The following MRPL21 variants were observed in gnomAD, a reference collection of about 807,000 sequenced individuals.
MRPL21 encodes large ribosomal subunit protein bL21m.
Under a neutral mutation model 27.3 loss-of-function variants are expected in MRPL21, and 20 were observed. The ratio of observed to expected loss-of-function variants is 0.73; its 90% CI spans 0.52 to 1.06. The LOEUF (loss-of-function observed/expected upper bound fraction) is 1.06. Among genes scored for constraint, MRPL21 ranks in the 50% least tolerant of loss-of-function variants. The pLI, the probability that MRPL21 is intolerant of heterozygous loss-of-function variation, is 0.00. For synonymous variants in MRPL21, 98 were observed against 101.5 expected, an observed-to-expected ratio of 0.97 and a Z score of 0.21; for missense variants, 249 against 251.4, an observed-to-expected ratio of 0.99 and a Z score of 0.06.
At chr11:68,892,684 G>T in intron 6 of MRPL21, 3 of 1,508,518 alleles carry the variant, frequency 2.0e-6, no homozygotes, top group Non-Finnish European at 2.6e-6. Flanking sequence ...GTGGGGTCAC[G>T]CGTGGAGCGT....
intron 6 of MRPL21, chr11:68,891,994 C>T: frequency 2.1e-6 from 2 of 970,508 alleles, no homozygotes; most frequent in Admixed American, 3.7e-5. Context: ...TGCGGATTCA[C>T]TGCTGCTTTG....
intron 2 of MRPL21, among the ~76,000 whole-genome samples, chr11:68,899,961 C>T (rs1160888389): frequency 2.6e-5 from 4 of 152,242 alleles, no homozygotes; most frequent in Non-Finnish European, 4.4e-5. Context: ...GCGTCCCAGG[C>T]TGTGAGGGGC....
rs114056086 is a variant in MRPL21, at chr11:68,892,042, G to A, written c.554-647C>T. 386 of 1,274,864 alleles carry A rather than the reference G, an allele frequency of 3.0e-4. 3 individuals carry two copies. In the African/African-American group the frequency reaches 5.4e-3, roughly 18 times the overall value. 79.0% of individuals were successfully genotyped at this position (1,274,864 alleles called of 1,614,324 possible). ...GGCGTCATGGGTTGGAACAAAGTGG[G>A]GTCATGCGTGGAGGGTGGAGGAGAA... On this transcript the variant is annotated intron_variant, in intron 6 of 6. Transcript: ENST00000362034.
intron 6 of MRPL21, chr11:68,892,049 C>A: frequency 7.8e-7 from 1 of 1,284,050 alleles, no homozygotes; most frequent in Admixed American, 3.6e-5. Flanking sequence ...TGGGGTCATG[C>A]GTGGAGGGTG....
At chr11:68,898,518 C>A (rs1857857339) in intron 2 of MRPL21, among the ~76,000 whole-genome samples, 1 of 152,230 alleles carries the variant, frequency 6.6e-6, no homozygotes, top group South Asian at 2.1e-4. Context: ...TAGGTAGGTG[C>A]CTGCTCTTCC....
Position 68,900,614 on chromosome 11 carries a change from A to G in MRPL21, c.89-9T>C. ...AGCAGACCAAAGGGAGGCTGAGGGA[A>G]GAAGAGAAACACAGATCATTACCAT... is the stretch of plus-strand genomic sequence containing the variant. On this transcript the variant is annotated splice_polypyrimidine_tract_variant and intron_variant, in intron 1 of 6. Transcript: ENST00000362034. 1 of 1,611,150 alleles carries G rather than the reference A, an allele frequency of 6.2e-7. No individual in the cohort carries two copies. Among genetic ancestry groups the G allele is most frequent in the South Asian group, 1.1e-5 (1 of 91,006 alleles).
chr11:68,893,680 T>G (rs553993415), intron 4 of MRPL21, among the ~76,000 whole-genome samples: 136 of 152,336 alleles, frequency 8.9e-4, no homozygotes, highest in Middle Eastern at 3.4e-3. Flanking sequence ...AGGGAAATGC[T>G]CCAACCCTCA....
intron 2 of MRPL21, 66 bp downstream of exon 2, chr11:68,900,482 G>T: frequency 7.0e-7 from 1 of 1,420,934 alleles, no homozygotes; most frequent in South Asian, 1.2e-5. Context: ...AGGAAGTTTT[G>T]ACTTTAGAAA....
At chr11:68,902,801 T>C (rs1178740715) in intron 1 of MRPL21, among the ~76,000 whole-genome samples, 1 of 152,164 alleles carries the variant, frequency 6.6e-6, no homozygotes, top group African/African-American at 2.4e-5. Context: ...TCCACCTATT[T>C]ATCCTTTTCT....
chr11:68,893,382 C>T (rs1857700693), intron 5 of MRPL21, 21 bp downstream of exon 5: 1 of 1,614,034 alleles, frequency 6.2e-7, no homozygotes, highest in African/African-American at 1.3e-5. Flanking sequence ...CAGACAAAGC[C>T]CAGCACTTCA....
At position 68,892,160 on chromosome 11, in the gene MRPL21, T is replaced by A. The variant is rs684710; in HGVS notation, c.553+730A>T. The A allele has an allele frequency of 2.4e-4, 157 of 656,868 alleles. 1 individual carries two copies. In the East Asian group the frequency reaches 0.028, roughly 115 times the overall value. The allele number at this position is 656,868 out of a possible 1,614,324, so 40.7% of individuals were successfully genotyped here. On this transcript the variant is annotated intron_variant, in intron 6 of 6. Coordinates refer to ENST00000362034, the MANE Select transcript of MRPL21 (RefSeq NM_181514.2). ...TGGAGGAGAAGGGGAGCGAGGTGGGTTCACGCGCGGAGGGTGGAGGAGAAG... is the reference window on the plus strand; with the variant it reads ...TGGAGGAGAAGGGGAGCGAGGTGGGATCACGCGCGGAGGGTGGAGGAGAAG...
chr11:68,902,562 C>A (rs758406770), intron 1 of MRPL21, among the ~76,000 whole-genome samples: 18 of 152,166 alleles, frequency 1.2e-4, no homozygotes, highest in Non-Finnish European at 2.4e-4. Flanking sequence ...TCCCATATGT[C>A]CCCTGTCCAT....
chr11:68,898,333 A>G (rs1176967855), intron 2 of MRPL21, among the ~76,000 whole-genome samples: 1 of 152,148 alleles, frequency 6.6e-6, no homozygotes, highest in Admixed American at 6.5e-5. Context: ...CTTGGGGCAC[A>G]TTTATCTTGG....
At chr11:68,900,631 C>A in intron 1 of MRPL21, 26 bp from the exon 2 acceptor site, 1 of 1,591,880 alleles carries the variant, frequency 6.3e-7, no homozygotes, top group Non-Finnish European at 8.6e-7. Context: ...AAACACAGAT[C>A]ATTACCATTA....
At chr11:68,894,092 C>A (rs1017250496) in intron 4 of MRPL21, among the ~76,000 whole-genome samples, 1 of 151,990 alleles carries the variant, frequency 6.6e-6, no homozygotes, top group Non-Finnish European at 1.5e-5. Context: ...AGAGAAAAAG[C>A]ACAAATCATA....
At position 68,893,432 on chromosome 11, in the gene MRPL21, G is replaced by A. The variant is rs755121519; in HGVS notation, c.420C>T (p.Asn140=). The change falls in exon 5 of 7, where the codon AAC becomes AAT. Residue 140 remains asparagine (N), a synonymous_variant. Coordinates refer to ENST00000362034, the MANE Select transcript of MRPL21 (RefSeq NM_181514.2). ...GGAGTGGCTTGCCAAGCAGCGTGAA[G>A]TTGTCTGCCCCAACCAGCAGGACCT... is the stretch of plus-strand genomic sequence containing the variant. ...LEKVLLVGAD[N]FTLLGKPLLG... The A allele has an allele frequency of 6.2e-7, 1 of 1,614,224 alleles. No individual in the cohort carries two copies. The highest frequency in any genetic ancestry group is 8.5e-7 in the Non-Finnish European group (1 of 1,180,048).
At chr11:68,898,140 G>A in intron 2 of MRPL21, 128 bp from the exon 3 acceptor site, 1 of 754,910 alleles carries the variant, frequency 1.3e-6, no homozygotes, top group Non-Finnish European at 2.3e-6. Flanking sequence ...CTTTCGGACA[G>A]GCCCCGCCCC....
At chr11:68,897,880 G>A (rs767703468) in intron 3 of MRPL21, 47 bp downstream of exon 3, 3 of 1,436,660 alleles carry the variant, frequency 2.1e-6, no homozygotes, top group Non-Finnish European at 2.9e-6. Flanking sequence ...GACTGGAGCA[G>A]GGTCTAGGTG....
intron 4 of MRPL21, among the ~76,000 whole-genome samples, chr11:68,893,889 C>T (rs1385435737): frequency 5.9e-5 from 9 of 152,042 alleles, no homozygotes; most frequent in South Asian, 2.1e-4. Flanking sequence ...CTGGCTAACA[C>T]GGTGAAATTA....
Sources: allele counts gnomAD v4.1 joint callset (sites outside exome capture counted in the v4.1 genomes callset), GRCh38; gene constraint gnomAD v4.1.1; transcripts MANE v1.5; gene names NCBI Gene and HGNC (gene_info 2026-07-23, HGNC 2026-07-21).